The following FBXO36 variants were observed in gnomAD, a reference collection of about 807,000 sequenced individuals.
The protein encoded by FBXO36 is F-box only protein 36.
In FBXO36, 18 loss-of-function variants were observed where a neutral mutation model predicts 17.0. The ratio of observed to expected loss-of-function variants is 1.06; its 90% CI spans 0.73 to 1.57. FBXO36 has a LOEUF of 1.57. Ranked by LOEUF, FBXO36 falls within the 40% of genes most tolerant of loss-of-function variation. The pLI is 0.00. For missense variants in FBXO36, 229 were observed against 221.9 expected, an observed-to-expected ratio of 1.03 and a Z score of -0.20; for synonymous variants, 83 against 85.3, an observed-to-expected ratio of 0.97 and a Z score of 0.15.
At chr2:229,922,937 C>A (rs2076807126) in intron 1 of FBXO36, among the ~76,000 whole-genome samples, 1 of 152,188 alleles carries the variant, frequency 6.6e-6, no homozygotes, top group Non-Finnish European at 1.5e-5. Flanking sequence ...TTGCGTGCGG[C>A]CTCACCTCAG....
intron 2 of FBXO36, among the ~76,000 whole-genome samples, chr2:229,986,047 G>T (rs2396702): frequency 6.6e-6 from 1 of 151,940 alleles, no homozygotes; most frequent in Non-Finnish European, 1.5e-5. Context: ...ACCCTGTCTC[G>T]AAACAAATAA....
At chr2:230,008,464 G>T (rs953767286) in intron 3 of FBXO36, among the ~76,000 whole-genome samples, 7 of 152,140 alleles carry the variant, frequency 4.6e-5, no homozygotes, top group African/African-American at 7.2e-5. Context: ...GATCGTCAGG[G>T]TTTGGGAGTC....
intron 1 of FBXO36, among the ~76,000 whole-genome samples, chr2:229,961,524 T>C (rs999404332): frequency 5.3e-5 from 8 of 152,088 alleles, no homozygotes; most frequent in Non-Finnish European, 1.2e-4. Context: ...TACGGGCGCA[T>C]GCCACCACGC....
At chr2:229,968,443 A>G (rs1310007760) in intron 1 of FBXO36, among the ~76,000 whole-genome samples, 1 of 152,146 alleles carries the variant, frequency 6.6e-6, no homozygotes, top group Non-Finnish European at 1.5e-5. Context: ...AAACTTATAT[A>G]TCTAGCAAAT....
In FBXO36 at chr2:230,013,007, T is replaced by C. The variant is rs994875814; in HGVS notation, c.*2123T>C. ...AATAATATTACATATAAAAATGTTA[T>C]AAAAATAAATGCTAAAGTAAATAAA... On this transcript the variant is annotated 3_prime_UTR_variant, in exon 4 of 4. Coordinates refer to ENST00000283946, the MANE Select transcript of FBXO36 (RefSeq NM_174899.5). The C allele has an allele frequency of 1.3e-5, 2 of 151,212 alleles. No individual in the cohort carries two copies. The highest frequency in any genetic ancestry group is 2.9e-5 in the Non-Finnish European group (2 of 67,800). The allele number at this position is 151,212 out of a possible 1,614,324, so 9.4% of individuals were successfully genotyped here.
At chr2:229,951,468 TC>T (rs1343388856) in intron 1 of FBXO36, among the ~76,000 whole-genome samples, 4 of 151,408 alleles carry the variant, frequency 2.6e-5, no homozygotes, top group Non-Finnish European at 5.9e-5. Context: ...GGTCTTGAAC[TC>T]CTCATCTCAG....
chr2:229,993,498 C>A (rs150354201), intron 2 of FBXO36, among the ~76,000 whole-genome samples: 1 of 152,024 alleles, frequency 6.6e-6, no homozygotes, highest in Non-Finnish European at 1.5e-5. Context: ...TGGAAATATG[C>A]GGGGGTGTAA....
chr2:229,976,136 A>G, intron 1 of FBXO36, 105 bp from the exon 2 acceptor site: 1 of 682,596 alleles, frequency 1.5e-6, no homozygotes, highest in South Asian at 2.2e-5. Flanking sequence ...AGTTATAGCT[A>G]ATGTTGGACA....
At chr2:229,933,854 T>G (rs1031887827) in intron 1 of FBXO36, among the ~76,000 whole-genome samples, 1 of 151,860 alleles carries the variant, frequency 6.6e-6, no homozygotes, top group Non-Finnish European at 1.5e-5. Flanking sequence ...CCCAGCTAAT[T>G]GTTGTATTTT....
At chr2:229,988,821 C>G (rs2077282553) in intron 2 of FBXO36, among the ~76,000 whole-genome samples, 1 of 142,638 alleles carries the variant, frequency 7.0e-6, no homozygotes, top group Non-Finnish European at 1.5e-5. Context: ...AGCCACCATG[C>G]TGGCCTGTTT....
intron 1 of FBXO36, among the ~76,000 whole-genome samples, chr2:229,957,463 G>A (rs140860923): frequency 0.015 from 2,272 of 152,252 alleles, 51 homozygotes; most frequent in African/African-American, 0.052. Context: ...TGTAATCCCA[G>A]CTACTCAGGA....
intron 3 of FBXO36, among the ~76,000 whole-genome samples, chr2:230,010,256 C>T (rs2106220949): frequency 6.6e-6 from 1 of 152,222 alleles, no homozygotes; most frequent in South Asian, 2.1e-4. Flanking sequence ...AGCAAAACTC[C>T]ATCTCAAAAA....
chr2:229,951,155 G>A lies in FBXO36; in HGVS notation c.97-25086G>A, dbSNP rs1273886083. Among the ~76,000 whole-genome samples the A allele has an allele frequency of 2.6e-5, 4 of 151,922 alleles. No homozygotes were observed. In the East Asian group the frequency reaches 5.8e-4, roughly 22 times the overall value. Reference sequence around the variant, plus strand: ...TCACCTTGTTAGCTAGGATGGTCTCGATATCCTGACCTCGTTATCCACCCA... The same window carrying A: ...TCACCTTGTTAGCTAGGATGGTCTCAATATCCTGACCTCGTTATCCACCCA... On this transcript the variant is annotated intron_variant, in intron 1 of 3. Transcript: ENST00000283946.
intron 1 of FBXO36, among the ~76,000 whole-genome samples, chr2:229,954,591 A>C (rs1487830820): frequency 8.8e-6 from 1 of 113,730 alleles, no homozygotes; most frequent in Non-Finnish European, 1.7e-5. Flanking sequence ...TCTGTCACCC[A>C]GGCTGGAGTG....
At chr2:229,993,640 TGTTA>T (rs1465903268) in intron 2 of FBXO36, among the ~76,000 whole-genome samples, 1 of 152,212 alleles carries the variant, frequency 6.6e-6, no homozygotes, top group African/African-American at 2.4e-5. Flanking sequence ...AAGAAATATA[TGTTA>T]GTTACATTTA....
intron 1 of FBXO36, among the ~76,000 whole-genome samples, chr2:229,975,811 G>T (rs373079148): frequency 3.3e-4 from 32 of 98,178 alleles, no homozygotes; most frequent in African/African-American, 9.4e-4. Flanking sequence ...TTTTTTTGGT[G>T]GGGGGGCGGG....
intron 3 of FBXO36, among the ~76,000 whole-genome samples, chr2:230,008,449 C>T (rs1242199459): frequency 6.6e-6 from 1 of 152,104 alleles, no homozygotes; most frequent in Non-Finnish European, 1.5e-5. Flanking sequence ...AACTACTAAG[C>T]AAAAGATCGT....
chr2:229,930,624 G>A (rs1184288452), intron 1 of FBXO36, among the ~76,000 whole-genome samples: 4 of 152,016 alleles, frequency 2.6e-5, no homozygotes, highest in Admixed American at 6.6e-5. Flanking sequence ...GGTGGTGGGC[G>A]CCTGTAATCC....
intron 1 of FBXO36, among the ~76,000 whole-genome samples, chr2:229,965,632 T>A (rs1228008356): frequency 6.6e-6 from 1 of 151,858 alleles, no homozygotes; most frequent in Non-Finnish European, 1.5e-5. Flanking sequence ...GTGTTTGGTT[T>A]TTTTGTCCTT....
Sources: gnomAD v4.1 joint callset for allele counts (sites outside exome capture counted in the v4.1 genomes callset) on GRCh38, gnomAD v4.1.1 for gene constraint, MANE v1.5 for transcripts, NCBI Gene and HGNC (gene_info 2026-07-23, HGNC 2026-07-21) for gene names.